The following TIGIT variants were observed in gnomAD, a reference collection of about 807,000 sequenced individuals.
TIGIT encodes T-cell immunoreceptor with Ig and ITIM domains.
Under a neutral mutation model 19.6 loss-of-function variants are expected in TIGIT, and 11 were observed. That is an observed-to-expected ratio of 0.56 (90% CI 0.35 to 0.93). TIGIT has a LOEUF of 0.93. Among genes scored for constraint, TIGIT ranks in the 40% least tolerant of loss-of-function variants. TIGIT has a pLI of 0.01. For missense variants in TIGIT, 295 were observed against 303.9 expected, an observed-to-expected ratio of 0.97 and a Z score of 0.22; for synonymous variants, 130 against 125.5, an observed-to-expected ratio of 1.04 and a Z score of -0.24.
In TIGIT at chr3:114,299,611, G is replaced by A; in HGVS notation, c.406G>A (p.Ala136Thr). The A allele has an allele frequency of 6.2e-7, 1 of 1,613,226 alleles. No individual in the cohort carries two copies. The highest frequency in any genetic ancestry group is 8.5e-7 in the Non-Finnish European group (1 of 1,179,774). ...CCTCCCTCTAGTGGCTGAGCACGGT[G>A]CCAGGTTCCAGATTCCATTGCTTGG... ...VLESSVAEHG[A>T]RFQIPLLGAM... The change falls in exon 3 of 4, where the codon GCC becomes ACC. Residue 136 changes from alanine to threonine, a missense_variant. Transcript: ENST00000383671.
intron 3 of TIGIT, 29 bp downstream of exon 3, chr3:114,299,732 A>G (rs1277654169): frequency 6.7e-7 from 1 of 1,502,130 alleles, no homozygotes; most frequent in Non-Finnish European, 9.2e-7. Context: ...CACCGCAGTC[A>G]TGGGCACCCC....
intron 3 of TIGIT, among the ~76,000 whole-genome samples, chr3:114,303,842 C>T (rs1398026883): frequency 1.3e-5 from 2 of 152,050 alleles, no homozygotes; most frequent in Non-Finnish European, 2.9e-5. Flanking sequence ...AATCTCCACA[C>T]TGTTTTCCAT....
At chr3:114,298,134 C>T (rs750905122) in intron 2 of TIGIT, among the ~76,000 whole-genome samples, 25 of 152,128 alleles carry the variant, frequency 1.6e-4, no homozygotes, top group African/African-American at 5.6e-4. Context: ...TTTAAGTAAC[C>T]CTTATACAGA....
chr3:114,308,239 G>GTGTA lies in TIGIT; in HGVS notation c.*111_*112insATGT. 2 of 681,294 alleles carry GTGTA rather than the reference G, an allele frequency of 2.9e-6. No individual in the cohort carries two copies. The highest frequency in any genetic ancestry group is 4.9e-6 in the Non-Finnish European group (2 of 405,766). The allele number at this position is 681,294 out of a possible 1,614,324, so 42.2% of individuals were successfully genotyped here. ...GCTGCGTGTGTGTGTGTGTGTGTAT[G>GTGTA]TGTGTGTGTGTTCAGTTGAGTGAAT... On this transcript the variant is annotated 3_prime_UTR_variant, in exon 4 of 4. Coordinates refer to ENST00000383671, the MANE Select transcript of TIGIT (RefSeq NM_173799.4).
At position 114,295,840 on chromosome 3, in the gene TIGIT, T is replaced by G. The variant is rs770091435; in HGVS notation, c.357T>G (p.Thr119=). The G allele has an allele frequency of 6.2e-7, 1 of 1,607,378 alleles. No homozygotes were observed. The highest frequency in any genetic ancestry group is 1.7e-4 in the Middle Eastern group (1 of 6,038). ...ACACCTACCCTGATGGGACGTACAC[T>G]GGGAGAATCTTCCTGGAGGTCCTAG... ...IYHTYPDGTY[T]GRIFLEVLES... is the part of the protein sequence containing the mutation. The change falls in exon 2 of 4, where the codon ACT becomes ACG. Residue 119 remains threonine (T), a synonymous_variant. Coordinates refer to ENST00000383671, the MANE Select transcript of TIGIT (RefSeq NM_173799.4).
chr3:114,303,554 T>C (rs1442893780), intron 3 of TIGIT, among the ~76,000 whole-genome samples: 1 of 6,654 alleles, frequency 1.5e-4, no homozygotes. Flanking sequence ...TATATATGTA[T>C]ATATATATAC....
chr3:114,299,799 T>C (rs188953993), intron 3 of TIGIT, 96 bp downstream of exon 3: 2 of 758,608 alleles, frequency 2.6e-6, no homozygotes, highest in Non-Finnish European at 4.5e-6. Context: ...GAGACCCAGA[T>C]GTGATCTTCC....
chr3:114,296,135 T>C (rs903788269), intron 2 of TIGIT: 14 of 402,066 alleles, frequency 3.5e-5, no homozygotes, highest in Middle Eastern at 6.6e-4. Context: ...ACTGTTCTTA[T>C]GTAAGAAGCA....
chr3:114,299,594 T>C lies in TIGIT; in HGVS notation c.392-3T>C, dbSNP rs73238032. 28,757 of 1,610,910 alleles carry C rather than the reference T, an allele frequency of 0.018. 336 individuals are homozygous for C. Among genetic ancestry groups the C allele is most frequent in the Non-Finnish European group, 0.021 (24,660 of 1,177,712 alleles). ...ACTCATCTCTGTTTTGTCCTCCCTC[T>C]AGTGGCTGAGCACGGTGCCAGGTTC... On this transcript the variant is annotated splice_polypyrimidine_tract_variant and splice_region_variant and intron_variant, in intron 2 of 3. Transcript: ENST00000383671.
In TIGIT at chr3:114,295,734, G is replaced by C. The variant is rs1351685650; in HGVS notation, c.251G>C (p.Arg84Pro). ...CACATCTCCCCATCCTTCAAGGATC[G>C]AGTGGCCCCAGGTCCCGGCCTGGGC... is the stretch of plus-strand genomic sequence containing the variant. ...GWHISPSFKD[R>P]VAPGPGLGLT... Residue 84 changes from arginine (R) to proline (P), a missense_variant, in exon 2 of 4, where the codon CGA becomes CCA. Arg to Pro is a moderately radical substitution (Grantham distance 103). Transcript: ENST00000383671. The C allele has an allele frequency of 6.2e-7, 1 of 1,614,044 alleles. No individual in the cohort carries two copies.
intron 3 of TIGIT, among the ~76,000 whole-genome samples, chr3:114,303,927 A>G (rs796384800): frequency 6.8e-6 from 1 of 147,166 alleles, no homozygotes; most frequent in African/African-American, 2.7e-5. Context: ...AACATGGGTT[A>G]TTTTTTTATT....
Position 114,295,845 on chromosome 3 carries a change from G to A in TIGIT, c.362G>A (p.Arg121Lys). ...HTYPDGTYTGRIFLEVLESSV... is the reference protein window; with the variant it reads ...HTYPDGTYTGKIFLEVLESSV... Reference sequence around the variant, plus strand: ...TACCCTGATGGGACGTACACTGGGAGAATCTTCCTGGAGGTCCTAGAAAGC... The same window carrying A: ...TACCCTGATGGGACGTACACTGGGAAAATCTTCCTGGAGGTCCTAGAAAGC... The change falls in exon 2 of 4, where the codon AGA becomes AAA. Residue 121 changes from arginine (R) to lysine (K), a missense_variant. Physicochemically the swap from Arg to Lys is conservative, Grantham distance 26. Transcript: ENST00000383671. 6.2e-7 allele frequency: 1 copy of A among 1,606,774 alleles called. No individual in the cohort carries two copies. Among genetic ancestry groups the A allele is most frequent in the Non-Finnish European group, 8.5e-7 (1 of 1,174,254 alleles).
chr3:114,297,097 C>T lies in TIGIT; in HGVS notation c.391+1223C>T, dbSNP rs548164422. On this transcript the variant is annotated intron_variant, in intron 2 of 3. Coordinates refer to ENST00000383671, the MANE Select transcript of TIGIT (RefSeq NM_173799.4). Reference sequence around the variant, plus strand: ...TTTTAGTAGAGACAGGGTTTCTTCACGTTGGTCAGGCTGGTCTCAAACTCC... The same window carrying T: ...TTTTAGTAGAGACAGGGTTTCTTCATGTTGGTCAGGCTGGTCTCAAACTCC... 3.3e-5 allele frequency among the ~76,000 whole-genome samples: 5 copies of T among 151,840 alleles called. No homozygotes were observed. In the South Asian group the frequency reaches 6.3e-4, roughly 19 times the overall value.
intron 1 of TIGIT, 53 bp from the exon 2 acceptor site, chr3:114,295,492 T>C (rs1057081574): frequency 8.7e-6 from 13 of 1,496,702 alleles, no homozygotes; most frequent in Middle Eastern, 3.8e-4. Context: ...TCTAGGAAGG[T>C]TGAAGGCCAG....
Position 114,308,052 on chromosome 3 carries a change from G to C in TIGIT, c.656G>C (p.Cys219Ser), listed in dbSNP as rs955942430. The C allele has an allele frequency of 1.2e-6, 2 of 1,614,100 alleles. No homozygotes were observed. The highest frequency in any genetic ancestry group is 1.3e-5 in the African/African-American group (1 of 74,934). The change falls in exon 4 of 4, where the codon TGT (cysteine) becomes TCT (serine). Residue 219 changes from cysteine (C) to serine (S), a missense_variant. Physicochemically the swap from Cys to Ser is moderately radical, Grantham distance 112 (BLOSUM62 -1). Transcript: ENST00000383671. ...GLCGEQRGED[C>S]AELHDYFNVL... is the part of the protein sequence containing the mutation. The stretch of plus-strand genomic sequence containing the variant: ...TGTGGAGAGCAGCGGGGAGAGGACT[G>C]TGCCGAGCTGCATGACTACTTCAAT...
intron 3 of TIGIT, among the ~76,000 whole-genome samples, chr3:114,300,978 C>G (rs780096079): frequency 6.6e-6 from 1 of 152,080 alleles, no homozygotes; most frequent in Admixed American, 6.5e-5. Flanking sequence ...TATTATAATT[C>G]GGCTTACTCT....
chr3:114,297,902 T>C (rs1236436717), intron 2 of TIGIT, among the ~76,000 whole-genome samples: 1 of 152,224 alleles, frequency 6.6e-6, no homozygotes, highest in Non-Finnish European at 1.5e-5. Flanking sequence ...CATTGGTCAC[T>C]CGGCTCTTCC....
chr3:114,297,469 T>G (rs1009693311), intron 2 of TIGIT, among the ~76,000 whole-genome samples: 1 of 152,194 alleles, frequency 6.6e-6, no homozygotes, highest in African/African-American at 2.4e-5. Context: ...ACCTAGATTC[T>G]GGCAAAGTAA....
rs530375213 is a variant in TIGIT at position 114,295,941 on chromosome 3, C to T, written c.391+67C>T. On this transcript the variant is annotated intron_variant, in intron 2 of 3. Coordinates refer to ENST00000383671, the MANE Select transcript of TIGIT (RefSeq NM_173799.4). ...TAGCATAGAAAATGCAATCCTGAAA[C>T]ACTGCACAGCAGGGCTTCTCAATTC... The T allele has an allele frequency of 1.2e-5, 15 of 1,271,056 alleles. No homozygotes were observed. The African/African-American group carries it at 2.1e-4, about 18-fold the overall frequency. The allele number at this position is 1,271,056 out of a possible 1,614,324, so 78.7% of individuals were successfully genotyped here.
Sources: allele counts gnomAD v4.1 joint callset (sites outside exome capture counted in the v4.1 genomes callset), GRCh38; gene constraint gnomAD v4.1.1; transcripts MANE v1.5; gene names NCBI Gene and HGNC (gene_info 2026-07-23, HGNC 2026-07-21).